Variants in C1orf226 observed in about 807,000 individuals in gnomAD.
C1orf226 encodes the protein chromosome 1 open reading frame 226, also known as uncharacterized protein C1orf226.
Under a neutral mutation model 10.5 loss-of-function variants are expected in C1orf226, and 4 were observed. The observed-to-expected ratio is 0.38, with a 90% CI of 0.19 to 0.87. The LOEUF (loss-of-function observed/expected upper bound fraction) is 0.87, where lower values mean the gene tolerates loss of function less well. Ranked by LOEUF, C1orf226 falls within the 40% of genes least tolerant of loss-of-function variation. C1orf226 has a pLI of 0.41. For synonymous variants in C1orf226, 125 were observed against 139.3 expected, an observed-to-expected ratio of 0.90 and a Z score of 0.72; for missense variants, 313 against 336.2, an observed-to-expected ratio of 0.93 and a Z score of 0.54.
At chr1:162,383,137 T>A in intron 1 of C1orf226, 45 bp from the exon 2 acceptor site, 1 of 1,515,480 alleles carries the variant, frequency 6.6e-7, no homozygotes, top group Non-Finnish European at 8.8e-7. Flanking sequence ...GATTGGTGTC[T>A]TGCTGTCCTT....
intron 1 of C1orf226, 30 bp downstream of exon 1, chr1:162,382,248 C>A (rs1371178349): frequency 6.5e-7 from 1 of 1,542,518 alleles, no homozygotes. Flanking sequence ...AACATCCATG[C>A]CCCTCTGTGG....
rs1184984249 is a variant in C1orf226 at position 162,385,320 on chromosome 1, C to G, written c.*1637C>G. The stretch of plus-strand genomic sequence containing the variant: ...CCATATAAAATGGCCATGCTAACTC[C>G]TACACAACTAGGAGCCTCAGCAGGA... On this transcript the variant is annotated 3_prime_UTR_variant, in exon 2 of 2. Coordinates refer to ENST00000458626, the MANE Select transcript of C1orf226 (RefSeq NM_001085375.2). 1 of 152,270 alleles carries G rather than the reference C, an allele frequency of 6.6e-6. No homozygotes were observed. The highest frequency in any genetic ancestry group is 1.9e-4 in the East Asian group (1 of 5,204). 9.4% of individuals were successfully genotyped at this position (152,270 alleles called of 1,614,324 possible). A position where few individuals can be genotyped will look rare whatever the true frequency, so the allele number is the denominator to read the frequency against.
rs544066155 is a variant in C1orf226 at position 162,383,751 on chromosome 1, T to A, written c.*68T>A. ...CTGCTTTCTCCTCCACTGCGCACAC[T>A]GGCCCTGGCCTCAACTCCGCTGTGC... On this transcript the variant is annotated 3_prime_UTR_variant, in exon 2 of 2. Coordinates refer to ENST00000458626, the MANE Select transcript of C1orf226 (RefSeq NM_001085375.2). The A allele has an allele frequency of 5.1e-5, 74 of 1,449,406 alleles. No homozygotes were observed. In the Middle Eastern group the frequency reaches 1.2e-3, roughly 24 times the overall value. 89.8% of individuals were successfully genotyped at this position (1,449,406 alleles called of 1,614,324 possible).
Position 162,383,301 on chromosome 1 carries a change from G to A in C1orf226, c.437G>A (p.Ser146Asn), listed in dbSNP as rs760027283. The A allele has an allele frequency of 6.2e-7, 1 of 1,613,418 alleles. No homozygotes were observed. The highest frequency in any genetic ancestry group is 8.5e-7 in the Non-Finnish European group (1 of 1,179,608). Reference protein sequence around the residue: ...DMLISSQPVLSSLEYGTEPSP... With the variant: ...DMLISSQPVLNSLEYGTEPSP... ...CTGATTTCATCACAGCCTGTCCTCA[G>A]CAGTCTGGAGTATGGGACAGAGCCA... Residue 146 changes from serine to asparagine, a missense_variant, in exon 2 of 2, where the codon AGC becomes AAC. Physicochemically the swap from Ser to Asn is conservative, Grantham distance 46. Coordinates refer to ENST00000458626, the MANE Select transcript of C1orf226 (RefSeq NM_001085375.2).
upstream of C1orf226, among the ~76,000 whole-genome samples, chr1:162,381,508 C>T (rs773813540): frequency 1.3e-5 from 2 of 152,156 alleles, no homozygotes; most frequent in African/African-American, 2.4e-5. Flanking sequence ...GAGCTCAGCA[C>T]GTGCTTACGG....
At chr1:162,379,056 A>C, upstream of C1orf226, 1 of 1,452,454 alleles carries the variant, frequency 6.9e-7, no homozygotes, top group Non-Finnish European at 9.5e-7. Context: ...TTTTTTGTGG[A>C]TGACTTACAT....
chr1:162,381,730 A>G lies in C1orf226; in HGVS notation c.-172A>G. 1 of 1,441,156 alleles carries G rather than the reference A, an allele frequency of 6.9e-7. No individual in the cohort carries two copies. The allele number at this position is 1,441,156 out of a possible 1,614,324, so 89.3% of individuals were successfully genotyped here. ...GTTCCTGTCCCATCAAGAAAACTAC[A>G]CTGGAAAGTTCAAGAGTGTCTTTGC... On this transcript the variant is annotated 5_prime_UTR_variant, in exon 1 of 2. Coordinates refer to ENST00000458626, the MANE Select transcript of C1orf226 (RefSeq NM_001085375.2).
In C1orf226 at chr1:162,385,647, T is replaced by C. The variant is rs1481150517; in HGVS notation, c.*1964T>C. On this transcript the variant is annotated 3_prime_UTR_variant, in exon 2 of 2. Transcript: ENST00000458626. ...TCTCAGGACTAGCATTCGGGGTCCT[T>C]TGAGTGTTCCCAGAATGGTTTGGGG... The C allele has an allele frequency of 6.6e-6, 1 of 152,184 alleles. No individual in the cohort carries two copies. Among genetic ancestry groups the C allele is most frequent in the Non-Finnish European group, 1.5e-5 (1 of 68,050 alleles). The allele number at this position is 152,184 out of a possible 1,614,324, so 9.4% of individuals were successfully genotyped here.
intron 1 of C1orf226, among the ~76,000 whole-genome samples, chr1:162,382,435 G>T (rs775338402): frequency 4.6e-5 from 7 of 152,098 alleles, no homozygotes; most frequent in Non-Finnish European, 1.0e-4. Flanking sequence ...CATGTCCTCG[G>T]CTCTGTGCTG....
chr1:162,381,391 GC>G (rs1417553631), upstream of C1orf226, among the ~76,000 whole-genome samples: 4 of 152,190 alleles, frequency 2.6e-5, no homozygotes, highest in Admixed American at 2.6e-4. Flanking sequence ...AGGAGCTGCT[GC>G]CCCATTTTTT....
At chr1:162,379,650 A>G (rs991085028), upstream of C1orf226, among the ~76,000 whole-genome samples, 2 of 152,254 alleles carry the variant, frequency 1.3e-5, no homozygotes, top group African/African-American at 4.8e-5. Context: ...ATGGTAGGCT[A>G]TCTTTACATT....
chr1:162,380,517 G>A (rs1186605462), upstream of C1orf226, among the ~76,000 whole-genome samples: 2 of 152,244 alleles, frequency 1.3e-5, no homozygotes, highest in African/African-American at 4.8e-5. Context: ...GTTACTCTTA[G>A]AAGAGGCTCA....
Position 162,381,739 on chromosome 1 carries a change from T to C in C1orf226, c.-163T>C. 3 of 1,455,958 alleles carry C rather than the reference T, an allele frequency of 2.1e-6. No homozygotes were observed. Among genetic ancestry groups the C allele is most frequent in the Non-Finnish European group, 2.7e-6 (3 of 1,108,810 alleles). 90.2% of individuals were successfully genotyped at this position (1,455,958 alleles called of 1,614,324 possible). A position where few individuals can be genotyped will look rare whatever the true frequency, so the allele number is the denominator to read the frequency against. On this transcript the variant is annotated 5_prime_UTR_variant, in exon 1 of 2. Coordinates refer to ENST00000458626, the MANE Select transcript of C1orf226 (RefSeq NM_001085375.2). ...CCATCAAGAAAACTACACTGGAAAGTTCAAGAGTGTCTTTGCTGGCTCTTT... is the reference window on the plus strand; with the variant it reads ...CCATCAAGAAAACTACACTGGAAAGCTCAAGAGTGTCTTTGCTGGCTCTTT...
Position 162,383,986 on chromosome 1 carries a change from T to C in C1orf226, c.*303T>C. On this transcript the variant is annotated 3_prime_UTR_variant, in exon 2 of 2. Coordinates refer to ENST00000458626, the MANE Select transcript of C1orf226 (RefSeq NM_001085375.2). The stretch of plus-strand genomic sequence containing the variant: ...TAGAGCTCTTCCACTCTTGAGCTTG[T>C]CCTGTCTTCTCAGTGAATTGCAGGG... 1 of 368,336 alleles carries C rather than the reference T, an allele frequency of 2.7e-6. No homozygotes were observed. The highest frequency in any genetic ancestry group is 4.9e-6 in the Non-Finnish European group (1 of 204,364). The allele number at this position is 368,336 out of a possible 1,614,324, so 22.8% of individuals were successfully genotyped here. A position where few individuals can be genotyped will look rare whatever the true frequency, so the allele number is the denominator to read the frequency against.
rs371804778 is a variant in C1orf226, at chr1:162,381,875, G to A, written c.-27G>A. 6.0e-5 allele frequency: 97 copies of A among 1,609,592 alleles called. No individual in the cohort carries two copies. The highest frequency in any genetic ancestry group is 1.6e-4 in the Middle Eastern group (1 of 6,064). Reference sequence around the variant, plus strand: ...CCTTTCCTCATCATGCCTCTCTGTCGCCTCTTTGTTCATAGTTGACCACGG... The same window carrying A: ...CCTTTCCTCATCATGCCTCTCTGTCACCTCTTTGTTCATAGTTGACCACGG... On this transcript the variant is annotated 5_prime_UTR_variant, in exon 1 of 2. Transcript: ENST00000458626.
In C1orf226 at chr1:162,381,802, G is replaced by C. The variant is rs1275223361; in HGVS notation, c.-100G>C. The C allele has an allele frequency of 2.8e-5, 42 of 1,526,944 alleles. No individual in the cohort carries two copies. Among genetic ancestry groups the C allele is most frequent in the Non-Finnish European group, 3.7e-5 (42 of 1,144,110 alleles). The allele number at this position is 1,526,944 out of a possible 1,614,324, so 94.6% of individuals were successfully genotyped here. A position where few individuals can be genotyped will look rare whatever the true frequency, so the allele number is the denominator to read the frequency against. ...CAAAGCCTTGGAAGTTACAGGTTTT[G>C]GGTGTGGGATAAGGAAAAACTGAAT... On this transcript the variant is annotated 5_prime_UTR_variant, in exon 1 of 2. Coordinates refer to ENST00000458626, the MANE Select transcript of C1orf226 (RefSeq NM_001085375.2).
rs1373078555 is a variant in C1orf226 at position 162,383,746 on chromosome 1, C to G, written c.*63C>G. 3 of 1,481,036 alleles carry G rather than the reference C, an allele frequency of 2.0e-6. No individual in the cohort carries two copies. Among genetic ancestry groups the G allele is most frequent in the East Asian group, 4.6e-5 (2 of 43,250 alleles). 91.7% of individuals were successfully genotyped at this position (1,481,036 alleles called of 1,614,324 possible). ...TCCTGCTGCTTTCTCCTCCACTGCG[C>G]ACACTGGCCCTGGCCTCAACTCCGC... On this transcript the variant is annotated 3_prime_UTR_variant, in exon 2 of 2. Transcript: ENST00000458626.
chr1:162,381,764 T>C lies in C1orf226; in HGVS notation c.-138T>C. 1 of 1,483,430 alleles carries C rather than the reference T, an allele frequency of 6.7e-7. No homozygotes were observed. Among genetic ancestry groups the C allele is most frequent in the Non-Finnish European group, 8.9e-7 (1 of 1,121,452 alleles). The allele number at this position is 1,483,430 out of a possible 1,614,324, so 91.9% of individuals were successfully genotyped here. A position where few individuals can be genotyped will look rare whatever the true frequency, so the allele number is the denominator to read the frequency against. ...TTCAAGAGTGTCTTTGCTGGCTCTTTCTTGAATATTTCCAAAGCCTTGGAA... is the reference window on the plus strand; with the variant it reads ...TTCAAGAGTGTCTTTGCTGGCTCTTCCTTGAATATTTCCAAAGCCTTGGAA... On this transcript the variant is annotated 5_prime_UTR_variant, in exon 1 of 2. Coordinates refer to ENST00000458626, the MANE Select transcript of C1orf226 (RefSeq NM_001085375.2).
At chr1:162,379,112 C>A, upstream of C1orf226, 1 of 896,186 alleles carries the variant, frequency 1.1e-6, no homozygotes, top group Non-Finnish European at 1.8e-6. Flanking sequence ...TTGGGGGGTA[C>A]TGTTGGGAGG....
Sources: allele counts gnomAD v4.1 joint callset (sites outside exome capture counted in the v4.1 genomes callset), GRCh38; gene constraint gnomAD v4.1.1; transcripts MANE v1.5; gene names NCBI Gene and HGNC (gene_info 2026-07-23, HGNC 2026-07-21).